The following C12orf42 variants were observed in gnomAD, a reference collection of about 807,000 sequenced individuals.
The protein encoded by C12orf42 is uncharacterized protein C12orf42.
In C12orf42, 25 loss-of-function variants were observed where a neutral mutation model predicts 21.6. The ratio of observed to expected loss-of-function variants is 1.16; its 90% CI spans 0.84 to 1.62. The LOEUF is 1.62. Among genes scored for constraint, C12orf42 ranks in the 40% most tolerant of loss-of-function variants. C12orf42 has a pLI of 0.00. For synonymous variants in C12orf42, 174 were observed against 175.0 expected, an observed-to-expected ratio of 0.99 and a Z score of 0.05; for missense variants, 483 against 459.3, an observed-to-expected ratio of 1.05 and a Z score of -0.47.
the C12orf42 span, among the ~76,000 whole-genome samples, chr12:103,541,033 A>C: frequency 3.3e-5 from 5 of 152,052 alleles, no homozygotes; most frequent in South Asian, 6.2e-4. Flanking sequence ...CCTCCCGAGT[A>C]GCTGGGATTA....
chr12:103,372,776 C>G (rs1430300787), intron 3 of C12orf42, among the ~76,000 whole-genome samples: 1 of 152,170 alleles, frequency 6.6e-6, no homozygotes, highest in African/African-American at 2.4e-5. Flanking sequence ...GGCAGTGAGT[C>G]TCGTCTTCTT....
chr12:103,536,053 T>C, the C12orf42 span, among the ~76,000 whole-genome samples: 4 of 152,190 alleles, frequency 2.6e-5, no homozygotes, highest in African/African-American at 4.8e-5. Flanking sequence ...AGTGCTAGGA[T>C]TACAGGCATG....
At chr12:103,335,936 C>T (rs2041653836) in intron 4 of C12orf42, among the ~76,000 whole-genome samples, 1 of 152,182 alleles carries the variant, frequency 6.6e-6, no homozygotes, top group Non-Finnish European at 1.5e-5. Context: ...ATCTGCATGG[C>T]CCTCTAGACT....
chr12:103,481,618 G>T (rs1954475990), intron 1 of C12orf42, among the ~76,000 whole-genome samples: 1 of 150,240 alleles, frequency 6.7e-6, no homozygotes, highest in Non-Finnish European at 1.5e-5. Context: ...TTATGGTTTG[G>T]GGTGTGTTTT....
chr12:103,271,047 C>T (rs561715038), intron 5 of C12orf42, among the ~76,000 whole-genome samples: 3 of 152,110 alleles, frequency 2.0e-5, no homozygotes, highest in South Asian at 2.1e-4. Flanking sequence ...AGCAGTAATT[C>T]TGGGAATTTT....
At chr12:103,170,811 C>T in the C12orf42 span, among the ~76,000 whole-genome samples, 3 of 152,084 alleles carry the variant, frequency 2.0e-5, no homozygotes, top group Admixed American at 2.0e-4. Context: ...TATAAATTGG[C>T]TTGTTGTCTT....
chr12:103,092,327 C>T, the C12orf42 span, among the ~76,000 whole-genome samples: 6 of 152,096 alleles, frequency 3.9e-5, no homozygotes, highest in Non-Finnish European at 1.5e-5. Flanking sequence ...ATCTCAAATT[C>T]CTTACACACA....
intron 5 of C12orf42, among the ~76,000 whole-genome samples, chr12:103,272,600 C>T (rs1346569155): frequency 1.3e-5 from 2 of 152,186 alleles, no homozygotes; most frequent in Non-Finnish European, 2.9e-5. Context: ...CTCCCTCTGA[C>T]ACCTGATACA....
At chr12:103,166,814 CA>C in the C12orf42 span, among the ~76,000 whole-genome samples, 1 of 152,072 alleles carries the variant, frequency 6.6e-6, no homozygotes, top group Non-Finnish European at 1.5e-5. Context: ...CTTCTTAAGG[CA>C]AAATTTCATC....
At chr12:103,278,956 T>G (rs977504982) in intron 4 of C12orf42, among the ~76,000 whole-genome samples, 7 of 152,220 alleles carry the variant, frequency 4.6e-5, no homozygotes, top group Non-Finnish European at 8.8e-5. Flanking sequence ...AGATACCTTA[T>G]GTAAGTGGGA....
At chr12:103,465,039 C>A (rs1953011526) in intron 2 of C12orf42, among the ~76,000 whole-genome samples, 1 of 151,904 alleles carries the variant, frequency 6.6e-6, no homozygotes, top group Non-Finnish European at 1.5e-5. Context: ...TTATTTTGTT[C>A]TTTTTACTTT....
chr12:103,459,381 C>A (rs1234256436), intron 2 of C12orf42, among the ~76,000 whole-genome samples: 1 of 152,156 alleles, frequency 6.6e-6, no homozygotes, highest in African/African-American at 2.4e-5. Context: ...GGAAGTAAAT[C>A]CCTCATGAAT....
chr12:103,560,609 C>T, the C12orf42 span, among the ~76,000 whole-genome samples: 1 of 152,128 alleles, frequency 6.6e-6, no homozygotes, highest in African/African-American at 2.4e-5. Flanking sequence ...CTCAAAGTGG[C>T]CTACTGAGCC....
intron 2 of C12orf42, among the ~76,000 whole-genome samples, chr12:103,450,621 C>G (rs1312770417): frequency 6.6e-6 from 1 of 152,070 alleles, no homozygotes; most frequent in Non-Finnish European, 1.5e-5. Flanking sequence ...AGGTCAACCC[C>G]ACGGTCTCCC....
chr12:103,462,597 A>C (rs1952813436), intron 2 of C12orf42, among the ~76,000 whole-genome samples: 1 of 152,194 alleles, frequency 6.6e-6, no homozygotes, highest in African/African-American at 2.4e-5. Flanking sequence ...CTAAATCTAT[A>C]GTAAAGTAAG....
rs199895230 is a variant in C12orf42, at chr12:103,401,654, T to A, written c.100A>T (p.Ile34Phe). ...RMQKSPCYIP[I>F]VSSATLWDRS... ...TCCCACAGGGTGGCACTGCTCACAA[T>A]GGGAATATAGCAAGGGGATTTCTGA... is the stretch of plus-strand genomic sequence containing the variant. Residue 34 changes from isoleucine to phenylalanine, a missense_variant, in exon 3 of 6, where the codon ATT becomes TTT. Transcript: ENST00000548883. 7 of 1,613,864 alleles carry A rather than the reference T, an allele frequency of 4.3e-6. No homozygotes were observed. The Admixed American group carries it at 1.2e-4, about 27-fold the overall frequency.
chr12:103,068,951 A>C, the C12orf42 span, among the ~76,000 whole-genome samples: 1 of 71,658 alleles, frequency 1.4e-5, no homozygotes, highest in Non-Finnish European at 2.7e-5. Flanking sequence ...ATATATATAT[A>C]TATATATATA....
At chr12:103,330,385 A>T (rs2041139783) in intron 4 of C12orf42, among the ~76,000 whole-genome samples, 1 of 152,204 alleles carries the variant, frequency 6.6e-6, no homozygotes, top group Non-Finnish European at 1.5e-5. Context: ...CATTGGAGGT[A>T]CGGGAATTAC....
intron 2 of C12orf42, among the ~76,000 whole-genome samples, chr12:103,469,321 T>C (rs974144962): frequency 2.0e-5 from 3 of 152,256 alleles, no homozygotes; most frequent in African/African-American, 7.2e-5. Flanking sequence ...TCATTTTCTT[T>C]TCTGATTATA....
Sources: gnomAD v4.1 joint callset for allele counts (sites outside exome capture counted in the v4.1 genomes callset) on GRCh38, gnomAD v4.1.1 for gene constraint, MANE v1.5 for transcripts, NCBI Gene and HGNC (gene_info 2026-07-23, HGNC 2026-07-21) for gene names.